The following CENPK variants were observed in gnomAD, a reference collection of about 807,000 sequenced individuals.
The protein encoded by CENPK is SoxLZ/Sox6-binding protein Solt.
CENPK carries 46 observed loss-of-function variants against 40.9 expected under a neutral mutation model. That is an observed-to-expected ratio of 1.13 (90% CI 0.89 to 1.44). The LOEUF is 1.44. CENPK is among the 40% of genes most tolerant of loss of function. The pLI is 0.00. For missense variants in CENPK, 288 were observed against 303.5 expected, an observed-to-expected ratio of 0.95 and a Z score of 0.38; for synonymous variants, 107 against 104.4, an observed-to-expected ratio of 1.02 and a Z score of -0.15.
At chr5:65,536,392 C>T (rs1746900319) in intron 6 of CENPK, among the ~76,000 whole-genome samples, 1 of 152,218 alleles carries the variant, frequency 6.6e-6, no homozygotes. Flanking sequence ...GGTGGAAGGA[C>T]TGCTTGAGAC....
chr5:65,561,944 G>A (rs1250494604), intron 1 of CENPK, among the ~76,000 whole-genome samples: 1 of 151,890 alleles, frequency 6.6e-6, no homozygotes, highest in African/African-American at 2.4e-5. Context: ...CTTTGTACTT[G>A]TAGAGCTTCC....
the CENPK span, among the ~76,000 whole-genome samples, chr5:65,504,274 T>C: frequency 6.6e-6 from 1 of 151,636 alleles, no homozygotes; most frequent in African/African-American, 2.4e-5. Context: ...CTGGCTAACA[T>C]GGTGAAACCC....
chr5:65,503,824 T>C, the CENPK span, among the ~76,000 whole-genome samples: 4 of 151,986 alleles, frequency 2.6e-5, no homozygotes, highest in Non-Finnish European at 4.4e-5. Context: ...GCCTGGCTAA[T>C]TTTTGTATTT....
chr5:65,550,126 C>CCACT (rs1749707709), intron 5 of CENPK, among the ~76,000 whole-genome samples: 1 of 148,216 alleles, frequency 6.7e-6, no homozygotes, highest in Admixed American at 6.9e-5. Context: ...CGAGATCACA[C>CCACT]CACTGCACTC....
chr5:65,521,498 T>G lies in CENPK; in HGVS notation c.628A>C (p.Ile210Leu), dbSNP rs776934831. Residue 210 changes from isoleucine (I) to leucine (L), a missense_variant, in exon 10 of 11, where the codon ATA (isoleucine) becomes CTA (leucine). By Grantham distance (5) the Ile-to-Leu change is conservative. Coordinates refer to ENST00000396679, the MANE Select transcript of CENPK (RefSeq NM_022145.5). ...ACCTCTAACATTTCATGCAGTGTTA[T>G]CAGGTTTACAGATGATTCTTGAATG... ...KNIQESSVNL[I>L]TLHEMLEILI... 1 of 1,610,086 alleles carries G rather than the reference T, an allele frequency of 6.2e-7. No homozygotes were observed. Among genetic ancestry groups the G allele is most frequent in the East Asian group, 2.2e-5 (1 of 44,668 alleles).
intron 10 of CENPK, among the ~76,000 whole-genome samples, chr5:65,520,443 T>G (rs1220810721): frequency 2.0e-5 from 3 of 152,178 alleles, no homozygotes; most frequent in African/African-American, 4.8e-5. Context: ...TGGTACATAC[T>G]ATGTTACACT....
chr5:65,535,729 T>C (rs62369007), intron 6 of CENPK, among the ~76,000 whole-genome samples: 11,277 of 152,294 alleles, frequency 0.074, 426 homozygotes, highest in East Asian at 0.096. Flanking sequence ...CTCACTTTAA[T>C]AAGCTGCAAC....
intron 6 of CENPK, chr5:65,541,310 CAGGCATGTGGGA>C: frequency 9.1e-6 from 4 of 438,954 alleles, no homozygotes; most frequent in Non-Finnish European, 1.9e-5. Context: ...AAACCGGGGT[CAGGCATGTGGGA>C]CTGAGCGCTC....
the CENPK span, among the ~76,000 whole-genome samples, chr5:65,507,510 T>C: frequency 5.9e-5 from 9 of 152,198 alleles, no homozygotes; most frequent in Non-Finnish European, 1.3e-4. Flanking sequence ...TGCACGGTCA[T>C]ATTACTAGAA....
rs1750480608 is a variant in CENPK at position 65,553,507 on chromosome 5, A to G, written c.112-958T>C. The stretch of plus-strand genomic sequence containing the variant: ...ACTCTAGTGTACCAAAGGCAGTTCT[A>G]TCTCACCAACTTAGAAAAAGTACAT... On this transcript the variant is annotated intron_variant, in intron 3 of 10. Coordinates refer to ENST00000396679, the MANE Select transcript of CENPK (RefSeq NM_022145.5). Among the ~76,000 whole-genome samples the G allele has an allele frequency of 2.0e-5, 3 of 152,338 alleles. No individual in the cohort carries two copies. The South Asian group carries it at 6.2e-4, about 32-fold the overall frequency.
At chr5:65,561,423 A>T (rs1464316349) in intron 2 of CENPK, 40 bp downstream of exon 2, 1 of 428,636 alleles carries the variant, frequency 2.3e-6, no homozygotes, top group African/African-American at 2.0e-5. Context: ...GTGGCAGTAG[A>T]ATAAAAACAT....
intron 8 of CENPK, 52 bp from the exon 9 acceptor site, chr5:65,528,630 C>CA: frequency 7.0e-7 from 1 of 1,434,094 alleles, no homozygotes; most frequent in Non-Finnish European, 9.2e-7. Context: ...AACACATACA[C>CA]ACATGTAACT....
intron 2 of CENPK, among the ~76,000 whole-genome samples, chr5:65,559,655 A>G (rs1222353464): frequency 6.6e-6 from 1 of 151,566 alleles, no homozygotes; most frequent in East Asian, 1.9e-4. Flanking sequence ...AAAAATTTAC[A>G]TGGAAGCACA....
chr5:65,514,344 A>T (rs527643059), downstream of CENPK, among the ~76,000 whole-genome samples: 15 of 140,718 alleles, frequency 1.1e-4, no homozygotes, highest in African/African-American at 4.0e-4. Flanking sequence ...GCTCACTGCA[A>T]CCTCCCCATC....
intron 6 of CENPK, among the ~76,000 whole-genome samples, chr5:65,536,130 C>G (rs941354049): frequency 8.5e-5 from 13 of 152,194 alleles, no homozygotes; most frequent in African/African-American, 3.1e-4. Context: ...TGAAAAATAG[C>G]TAAAATGAAA....
chr5:65,554,853 T>C lies in CENPK; in HGVS notation c.55A>G (p.Asn19Asp). ...DSTTDVGDVT[N>D]TEEELIRECE... ...TCTCTAATAAGTTCTTCTTCAGTAT[T>C]TGTAACATCTCCCACATCTGTAGTA... The change falls in exon 3 of 11, where the codon AAT (asparagine) becomes GAT (aspartate). Residue 19 changes from asparagine to aspartate, a missense_variant. Asn to Asp is a conservative substitution (Grantham distance 23). Coordinates refer to ENST00000396679, the MANE Select transcript of CENPK (RefSeq NM_022145.5). 1 of 1,605,974 alleles carries C rather than the reference T, an allele frequency of 6.2e-7. No homozygotes were observed. The highest frequency in any genetic ancestry group is 8.5e-7 in the Non-Finnish European group (1 of 1,172,792).
At chr5:65,537,282 TAAACTTTCTCAGC>T (rs1747085621) in intron 6 of CENPK, among the ~76,000 whole-genome samples, 1 of 152,188 alleles carries the variant, frequency 6.6e-6, no homozygotes. Context: ...ACTTTTTAAA[TAAACTTTCTCAGC>T]TATAGGTGAA....
At chr5:65,557,555 T>C (rs1751200044) in intron 2 of CENPK, among the ~76,000 whole-genome samples, 2 of 152,112 alleles carry the variant, frequency 1.3e-5, no homozygotes, top group Admixed American at 6.5e-5. Context: ...ATAAAGTCCA[T>C]GAGGAAAGGA....
In CENPK at chr5:65,563,136, C is replaced by A; in HGVS notation, c.-180G>T. 1 of 780,720 alleles carries A rather than the reference C, an allele frequency of 1.3e-6. No homozygotes were observed. The highest frequency in any genetic ancestry group is 1.9e-5 in the South Asian group (1 of 53,148). 48.4% of individuals were successfully genotyped at this position (780,720 alleles called of 1,614,324 possible). On this transcript the variant is annotated 5_prime_UTR_variant, in exon 1 of 11. Coordinates refer to ENST00000396679, the MANE Select transcript of CENPK (RefSeq NM_022145.5). Reference sequence around the variant, plus strand: ...CAAACTCCAGGTCGCCTAGGCGCTGCGCAGGAAGCGCTTGCCAGCCCCGGA... The same window carrying A: ...CAAACTCCAGGTCGCCTAGGCGCTGAGCAGGAAGCGCTTGCCAGCCCCGGA...
Sources: gnomAD v4.1 joint callset for allele counts (sites outside exome capture counted in the v4.1 genomes callset) on GRCh38, gnomAD v4.1.1 for gene constraint, MANE v1.5 for transcripts, NCBI Gene and HGNC (gene_info 2026-07-23, HGNC 2026-07-21) for gene names.